NAV2: variants seen among roughly 807,000 people sequenced by gnomAD.
NAV2 encodes the protein helicase, APC down-regulated 1.
NAV2 carries 54 observed loss-of-function variants against 223.2 expected under a neutral mutation model. The observed-to-expected ratio is 0.24, with a 90% CI of 0.19 to 0.30. The LOEUF (loss-of-function observed/expected upper bound fraction) is 0.30, where lower values mean the gene tolerates loss of function less well. Ranked by LOEUF, NAV2 falls within the 10% of genes least tolerant of loss-of-function variation. NAV2 has a pLI of 1.00. For missense variants in NAV2, 2,806 were observed against 3,147.5 expected (o/e 0.89, Z 2.60); for synonymous variants, 1,279 against 1,239.3 (o/e 1.03, Z -0.67).
chr11:20,102,901 G>A (rs2061738819), intron 32 of NAV2, among the ~76,000 whole-genome samples: 3 of 152,162 alleles, frequency 2.0e-5, no homozygotes, highest in Admixed American at 2.0e-4. Flanking sequence ...ACTTAAGTGT[G>A]TGTCTGGCTC....
At chr11:19,658,162 AATT>A (rs1249056614) in intron 1 of NAV2, among the ~76,000 whole-genome samples, 7 of 152,134 alleles carry the variant, frequency 4.6e-5, no homozygotes, top group African/African-American at 1.7e-4. Context: ...ATGTGGGAAC[AATT>A]ATTATCCCAT....
Position 19,583,677 on chromosome 11 carries a change from C to T in NAV2, c.75+232650C>T, listed in dbSNP as rs916302185. ...TTGGTTCTGTTTATATGCTGGATTA[C>T]GTTTATTGATTTGCGTATGTGGAAC... On this transcript the variant is annotated intron_variant, in intron 1 of 37. Transcript: ENST00000360655. Among the ~76,000 whole-genome samples the T allele has an allele frequency of 6.6e-5, 10 of 152,228 alleles. 2 individuals are homozygous for T. The highest frequency in any genetic ancestry group is 4.6e-4 in the Admixed American group (7 of 15,288).
At chr11:19,906,807 C>A (rs1004869119) in intron 6 of NAV2, among the ~76,000 whole-genome samples, 1 of 152,138 alleles carries the variant, frequency 6.6e-6, no homozygotes, top group African/African-American at 2.4e-5. Flanking sequence ...AGTAGAACTC[C>A]GCAAAACAGG....
chr11:19,533,273 T>C (rs927256084), intron 1 of NAV2, among the ~76,000 whole-genome samples: 1 of 152,102 alleles, frequency 6.6e-6, no homozygotes, highest in African/African-American at 2.4e-5. Context: ...CTGGGTATTG[T>C]GGGCTATTTA....
intron 1 of NAV2, among the ~76,000 whole-genome samples, chr11:19,376,724 G>C (rs1057273959): frequency 1.3e-5 from 2 of 152,208 alleles, no homozygotes; most frequent in African/African-American, 4.8e-5. Flanking sequence ...ATAGTAAACT[G>C]TAACAAGTGC....
At chr11:19,554,167 CTA>C (rs2134687078) in intron 1 of NAV2, among the ~76,000 whole-genome samples, 1 of 152,308 alleles carries the variant, frequency 6.6e-6, no homozygotes, top group East Asian at 1.9e-4. Flanking sequence ...TGAAATCGTG[CTA>C]TGACATCTAC....
chr11:19,521,180 T>TG (rs543937192), intron 1 of NAV2, among the ~76,000 whole-genome samples: 103 of 152,218 alleles, frequency 6.8e-4, no homozygotes, highest in African/African-American at 2.4e-3. Flanking sequence ...CTTGGGTCAT[T>TG]CATAGTGGGT....
chr11:19,837,833 A>G (rs1197251799), intron 2 of NAV2, among the ~76,000 whole-genome samples: 1 of 152,240 alleles, frequency 6.6e-6, no homozygotes, highest in Non-Finnish European at 1.5e-5. Flanking sequence ...ACATGGTCTA[A>G]AGGACATTTT....
At chr11:19,350,193 G>A (rs1295289932), upstream of NAV2, among the ~76,000 whole-genome samples, 1 of 152,206 alleles carries the variant, frequency 6.6e-6, no homozygotes, top group Middle Eastern at 3.4e-3. Flanking sequence ...GAGAAGTGGG[G>A]AGCCCGTGAG....
chr11:19,660,851 T>C (rs1210485378), intron 1 of NAV2, among the ~76,000 whole-genome samples: 2 of 152,214 alleles, frequency 1.3e-5, no homozygotes, highest in Non-Finnish European at 2.9e-5. Flanking sequence ...GCAATCATAA[T>C]AGCACTTTTC....
At chr11:20,003,635 G>A (rs1182383881) in intron 11 of NAV2, among the ~76,000 whole-genome samples, 1 of 152,104 alleles carries the variant, frequency 6.6e-6, no homozygotes, top group Admixed American at 6.5e-5. Flanking sequence ...AATCACCCCT[G>A]CTCTGGTTTG....
chr11:20,019,485 A>G (rs1253719815), intron 11 of NAV2, among the ~76,000 whole-genome samples: 1 of 152,172 alleles, frequency 6.6e-6, no homozygotes, highest in African/African-American at 2.4e-5. Context: ...GGGCCAGGCT[A>G]GAGATTACAG....
At chr11:19,421,357 C>T (rs1446319659) in intron 1 of NAV2, among the ~76,000 whole-genome samples, 1 of 152,166 alleles carries the variant, frequency 6.6e-6, no homozygotes, top group Non-Finnish European at 1.5e-5. Context: ...GGCTCTAAGG[C>T]GTGCATGCTC....
intron 1 of NAV2, among the ~76,000 whole-genome samples, chr11:19,402,717 C>A (rs1486721667): frequency 6.6e-6 from 1 of 152,194 alleles, no homozygotes; most frequent in Non-Finnish European, 1.5e-5. Flanking sequence ...TATGATCTGT[C>A]CATGTATACT....
At chr11:19,751,104 T>G (rs1184653578) in intron 1 of NAV2, among the ~76,000 whole-genome samples, 1 of 152,196 alleles carries the variant, frequency 6.6e-6, no homozygotes, top group Non-Finnish European at 1.5e-5. Flanking sequence ...CCATGGAAAT[T>G]GGCAAATGCT....
intron 1 of NAV2, among the ~76,000 whole-genome samples, chr11:19,598,004 G>A (rs146042161): frequency 1.3e-5 from 2 of 152,352 alleles, no homozygotes; most frequent in African/African-American, 2.4e-5. Context: ...GGGGCAGCTG[G>A]CCTCCAGTTA....
At chr11:19,997,332 G>T (rs988746713) in intron 11 of NAV2, among the ~76,000 whole-genome samples, 2 of 152,138 alleles carry the variant, frequency 1.3e-5, no homozygotes, top group African/African-American at 4.8e-5. Context: ...GAAGAGTTTT[G>T]TGGAGAGAAT....
intron 5 of NAV2, among the ~76,000 whole-genome samples, chr11:19,887,071 G>A (rs575101131): frequency 6.6e-6 from 1 of 152,076 alleles, no homozygotes; most frequent in African/African-American, 2.4e-5. Flanking sequence ...GTAAAGTTTG[G>A]TTGCCAAAAG....
intron 26 of NAV2, among the ~76,000 whole-genome samples, chr11:20,087,555 A>G (rs2060536636): frequency 6.6e-6 from 1 of 152,188 alleles, no homozygotes; most frequent in Admixed American, 6.5e-5. Flanking sequence ...GTTTTCCCAC[A>G]CTCGAGGCAT....
Sources: gnomAD v4.1 joint callset for allele counts (sites outside exome capture counted in the v4.1 genomes callset) on GRCh38, gnomAD v4.1.1 for gene constraint, MANE v1.5 for transcripts, NCBI Gene and HGNC (gene_info 2026-07-23, HGNC 2026-07-21) for gene names.